The following NRG3 variants were observed in gnomAD, a reference collection of about 807,000 sequenced individuals.
NRG3 encodes the protein neuregulin 3.
A neutral mutation model predicts 66.9 loss-of-function variants in NRG3; 31 were observed. The ratio of observed to expected loss-of-function variants is 0.46; its 90% confidence interval spans 0.35 to 0.63. The LOEUF is 0.63. Among genes scored for constraint, NRG3 ranks in the 20% least tolerant of loss-of-function variants. The pLI is 0.00. For missense variants in NRG3, 910 were observed against 878.9 expected, an observed-to-expected ratio of 1.04 and a Z score of -0.45; for synonymous variants, 393 against 359.4, an observed-to-expected ratio of 1.09 and a Z score of -1.06.
At chr10:82,709,234 C>T (rs2056503244) in intron 2 of NRG3, among the ~76,000 whole-genome samples, 2 of 152,116 alleles carry the variant, frequency 1.3e-5, no homozygotes, top group South Asian at 4.1e-4. Flanking sequence ...TAATGGCTAC[C>T]AGGAAGGGCA....
rs138959893 is a variant in NRG3 at position 82,484,905 on chromosome 10, T to C, written c.953+126037T>C. On this transcript the variant is annotated intron_variant, in intron 2 of 8. Coordinates refer to ENST00000372141, the MANE Select transcript of NRG3 (RefSeq NM_001010848.4). ...CATTTCTGTATGCAAGAGTGATGTA[T>C]GTGATTCTGCCAGCTTTTTCCAGAA... 3.8e-3 allele frequency among the ~76,000 whole-genome samples: 572 copies of C among 152,318 alleles called. 1 individual carries two copies. The highest frequency in any genetic ancestry group is 0.013 in the African/African-American group (541 of 41,572).
intron 4 of NRG3, among the ~76,000 whole-genome samples, chr10:82,923,887 A>T (rs931991490): frequency 2.0e-5 from 3 of 151,900 alleles, no homozygotes; most frequent in African/African-American, 7.3e-5. Context: ...GCTTGAGGTT[A>T]GGAGTTCAAG....
chr10:82,631,357 G>A (rs2049817464), intron 2 of NRG3, among the ~76,000 whole-genome samples: 2 of 152,110 alleles, frequency 1.3e-5, no homozygotes, highest in Admixed American at 1.3e-4. Context: ...AGGTTTCCTA[G>A]AAGATTCTGG....
chr10:82,891,423 A>G (rs1843139064), intron 4 of NRG3, among the ~76,000 whole-genome samples: 2 of 151,974 alleles, frequency 1.3e-5, no homozygotes, highest in South Asian at 2.1e-4. Flanking sequence ...AGATTTCTTT[A>G]TATCTTCTTT....
At chr10:82,183,942 G>T (rs2073621746) in intron 1 of NRG3, among the ~76,000 whole-genome samples, 1 of 152,098 alleles carries the variant, frequency 6.6e-6, no homozygotes, top group Non-Finnish European at 1.5e-5. Flanking sequence ...TTCCCAAGGA[G>T]TTGCCCTTGT....
At chr10:81,895,494 T>C (rs371567718) in intron 1 of NRG3, among the ~76,000 whole-genome samples, 8 of 152,218 alleles carry the variant, frequency 5.3e-5, no homozygotes, top group African/African-American at 1.7e-4. Flanking sequence ...GTGGATGTTA[T>C]CTTGTTTTGT....
intron 2 of NRG3, among the ~76,000 whole-genome samples, chr10:82,577,794 C>T (rs2046117063): frequency 6.6e-6 from 1 of 151,762 alleles, no homozygotes; most frequent in Non-Finnish European, 1.5e-5. Flanking sequence ...TATACAGTCC[C>T]TCATAACAGT....
intron 1 of NRG3, among the ~76,000 whole-genome samples, chr10:82,170,654 G>GTATATATATATATATATATATATA (rs370773918): frequency 5.4e-5 from 4 of 74,218 alleles, no homozygotes; most frequent in Admixed American, 1.5e-4. Flanking sequence ...AAAACTTGTG[G>GTATATATATATATATATATATATA]TATATATATA....
At chr10:82,532,541 A>G (rs1167135432) in intron 2 of NRG3, among the ~76,000 whole-genome samples, 2 of 147,760 alleles carry the variant, frequency 1.4e-5, no homozygotes, top group African/African-American at 4.9e-5. Flanking sequence ...ATATAGTACT[A>G]TATATGTATA....
At chr10:82,037,836 T>G (rs1208931031) in intron 1 of NRG3, among the ~76,000 whole-genome samples, 1 of 151,992 alleles carries the variant, frequency 6.6e-6, no homozygotes. Flanking sequence ...TTTGGCAAAC[T>G]GGGGACATAG....
intron 1 of NRG3, among the ~76,000 whole-genome samples, chr10:82,143,606 TG>T: frequency 6.6e-6 from 1 of 152,334 alleles, no homozygotes; most frequent in East Asian, 1.9e-4. Context: ...TTGAAATCAA[TG>T]TGATTTAGAA....
intron 1 of NRG3, among the ~76,000 whole-genome samples, chr10:82,316,055 G>A (rs770575035): frequency 2.0e-5 from 3 of 152,112 alleles, no homozygotes; most frequent in Non-Finnish European, 2.9e-5. Flanking sequence ...CACAAGCAAT[G>A]GTGTTGTTAG....
At chr10:82,636,610 G>A (rs2050214440) in intron 2 of NRG3, among the ~76,000 whole-genome samples, 1 of 152,132 alleles carries the variant, frequency 6.6e-6, no homozygotes, top group Non-Finnish European at 1.5e-5. Context: ...ACTATTTAAA[G>A]GCTGAATAAT....
chr10:82,487,129 T>C lies in NRG3; in HGVS notation c.953+128261T>C, dbSNP rs139929244. Among the ~76,000 whole-genome samples, 228 of 148,664 alleles carry C rather than the reference T, an allele frequency of 1.5e-3. 4 individuals carry two copies. The East Asian group carries it at 0.04, about 26-fold the overall frequency. On this transcript the variant is annotated intron_variant, in intron 2 of 8. Transcript: ENST00000372141. The stretch of plus-strand genomic sequence containing the variant: ...TAGATATATCTATTATATAGATATA[T>C]ATATAATTTTTCATCATCAATGTGC...
At chr10:82,118,039 AG>A (rs1161259615) in intron 1 of NRG3, among the ~76,000 whole-genome samples, 1 of 152,048 alleles carries the variant, frequency 6.6e-6, no homozygotes, top group Non-Finnish European at 1.5e-5. Flanking sequence ...CACAGCCTGA[AG>A]CATGCTCGCT....
At position 82,375,758 on chromosome 10, in the gene NRG3, G is replaced by A. The variant is rs190698249; in HGVS notation, c.953+16890G>A. Among the ~76,000 whole-genome samples the A allele has an allele frequency of 6.6e-5, 10 of 152,178 alleles. No homozygotes were observed. The East Asian group carries it at 1.9e-3, about 29-fold the overall frequency. The stretch of plus-strand genomic sequence containing the variant: ...TCCAGTGGACCTTAATTTCTTCATT[G>A]TGAAATGGCGTGATTGAACATAATT... On this transcript the variant is annotated intron_variant, in intron 2 of 8. Coordinates refer to ENST00000372141, the MANE Select transcript of NRG3 (RefSeq NM_001010848.4).
In NRG3 at chr10:82,934,039, A is replaced by G. The variant is rs373193156; in HGVS notation, c.1055-17430A>G. 4.9e-4 allele frequency among the ~76,000 whole-genome samples: 74 copies of G among 152,280 alleles called. 1 individual carries two copies. Among genetic ancestry groups the G allele is most frequent in the East Asian group, 3.7e-3 (19 of 5,168 alleles). ...TGTGTGCTCGGGCAATTTATTTTCTATCTCTAGGAACTGGTTAGTCCTGAG... is the reference window on the plus strand; with the variant it reads ...TGTGTGCTCGGGCAATTTATTTTCTGTCTCTAGGAACTGGTTAGTCCTGAG... On this transcript the variant is annotated intron_variant, in intron 4 of 8. Transcript: ENST00000372141.
Position 82,739,167 on chromosome 10 carries a change from C to A in NRG3, c.1027+517C>A, listed in dbSNP as rs181771366. 1.1e-4 allele frequency among the ~76,000 whole-genome samples: 16 copies of A among 152,318 alleles called. No individual in the cohort carries two copies. The East Asian group carries it at 3.1e-3, about 29-fold the overall frequency. Reference sequence around the variant, plus strand: ...AACACTATTTGCATATCAGTGATTACTGTCCTAAGGACAAATTATTTTTTC... The same window carrying A: ...AACACTATTTGCATATCAGTGATTAATGTCCTAAGGACAAATTATTTTTTC... On this transcript the variant is annotated intron_variant, in intron 3 of 8. Transcript: ENST00000372141.
At chr10:82,636,737 T>C (rs2050223754) in intron 2 of NRG3, among the ~76,000 whole-genome samples, 1 of 152,100 alleles carries the variant, frequency 6.6e-6, no homozygotes, top group Admixed American at 6.6e-5. Context: ...GAGGTGGTGA[T>C]TTTATTTTCT....
Sources: gnomAD v4.1 joint callset for allele counts (sites outside exome capture counted in the v4.1 genomes callset) on GRCh38, gnomAD v4.1.1 for gene constraint, MANE v1.5 for transcripts, NCBI Gene and HGNC (gene_info 2026-07-23, HGNC 2026-07-21) for gene names.